SPTAN1: variants seen among roughly 807,000 people sequenced by gnomAD.
SPTAN1 encodes spectrin alpha, non-erythrocytic 1.
A neutral mutation model predicts 331.3 loss-of-function variants in SPTAN1; 61 were observed. The observed-to-expected ratio is 0.18, with a 90% CI of 0.15 to 0.23. The LOEUF (loss-of-function observed/expected upper bound fraction) is 0.23, where lower values mean the gene tolerates loss of function less well. Ranked by LOEUF, SPTAN1 falls within the 10% of genes least tolerant of loss-of-function variation. SPTAN1 has a pLI of 1.00. For synonymous variants in SPTAN1, 1,153 were observed against 1,173.9 expected, an observed-to-expected ratio of 0.98 and a Z score of 0.36; for missense variants, 2,043 against 3,147.9, an observed-to-expected ratio of 0.65 and a Z score of 8.40.
chr9:128,562,409 TATG>T (rs1849482894), intron 1 of SPTAN1, among the ~76,000 whole-genome samples: 1 of 152,062 alleles, frequency 6.6e-6, no homozygotes, highest in African/African-American at 2.4e-5. Context: ...CCGAGATCTG[TATG>T]ATATTAGATG....
chr9:128,630,532 C>G, intron 52 of SPTAN1, 157 bp downstream of exon 52: 1 of 670,324 alleles, frequency 1.5e-6, no homozygotes, highest in South Asian at 1.7e-5. Flanking sequence ...CACTATCTCT[C>G]TCTCTTTTCT....
At chr9:128,624,869 G>A in intron 46 of SPTAN1, 1 of 613,616 alleles carries the variant, frequency 1.6e-6, no homozygotes, top group Non-Finnish European at 2.9e-6. Context: ...CGTGTCCTGG[G>A]TAGTAGTAAT....
At position 128,618,978 on chromosome 9, in the gene SPTAN1, A is replaced by G; in HGVS notation, c.5708A>G (p.Tyr1903Cys). The G allele has an allele frequency of 6.2e-7, 1 of 1,613,986 alleles. No individual in the cohort carries two copies. Among genetic ancestry groups the G allele is most frequent in the East Asian group, 2.2e-5 (1 of 44,882 alleles). Residue 1903 changes from tyrosine (Y) to cysteine (C), a missense_variant, in exon 44 of 57, where the codon TAT becomes TGT. Tyr to Cys is a radical substitution (Grantham distance 194). Transcript: ENST00000372739. ...EKMTLVASED[Y>C]GDTLAAIQGL... is the part of the protein sequence containing the mutation. Reference sequence around the variant, plus strand: ...ATGACCCTGGTGGCCAGCGAAGATTATGGCGACACTCTTGCCGCCATCCAG... The same window carrying G: ...ATGACCCTGGTGGCCAGCGAAGATTGTGGCGACACTCTTGCCGCCATCCAG...
At chr9:128,591,660 G>A (rs367630152) in intron 22 of SPTAN1, 35 bp downstream of exon 22, 1,107 of 1,611,998 alleles carry the variant, frequency 6.9e-4, no homozygotes, top group Non-Finnish European at 9.0e-4. Context: ...AGGGCTAGGC[G>A]TCCCATAGGC....
In SPTAN1 at chr9:128,568,816, C is replaced by T. The variant is rs1288734800; in HGVS notation, c.282C>T (p.Ala94=). Residue 94 remains alanine (A), a synonymous_variant, in exon 3 of 57, where the codon GCC becomes GCT. Coordinates refer to ENST00000372739, the MANE Select transcript of SPTAN1 (RefSeq NM_001130438.3). Reference sequence around the variant, plus strand: ...AAGCATTTGAAGCTGAAGTGCAGGCCAACTCAGGAGCCATTGTTAAGCTGG... The same window carrying T: ...AAGCATTTGAAGCTGAAGTGCAGGCTAACTCAGGAGCCATTGTTAAGCTGG... ...KHQAFEAEVQ[A]NSGAIVKLDE... The T allele has an allele frequency of 1.9e-6, 3 of 1,614,128 alleles. 1 individual carries two copies. The Admixed American group carries it at 5.0e-5, about 27-fold the overall frequency.
intron 18 of SPTAN1, among the ~76,000 whole-genome samples, chr9:128,585,518 T>C (rs1330107508): frequency 6.6e-6 from 1 of 152,152 alleles, no homozygotes; most frequent in Admixed American, 6.5e-5. Context: ...ACTTGCGATA[T>C]CTGCTTCTTA....
rs1857108738 is a variant in SPTAN1 at position 128,615,905 on chromosome 9, G to T, written c.5357+65G>T. On this transcript the variant is annotated intron_variant, in intron 41 of 56. Coordinates refer to ENST00000372739, the MANE Select transcript of SPTAN1 (RefSeq NM_001130438.3). ...TAATAGTGGGCAGCAGGAACCACAG[G>T]CTGACTGTTGAGTGGTGAGGCTGGA... 13 of 1,558,612 alleles carry T rather than the reference G, an allele frequency of 8.3e-6. 2 individuals carry two copies. Among genetic ancestry groups the T allele is most frequent in the African/African-American group, 8.1e-5 (6 of 73,820 alleles).
chr9:128,572,457 G>A (rs1341354391), intron 3 of SPTAN1, among the ~76,000 whole-genome samples: 5 of 122,378 alleles, frequency 4.1e-5, no homozygotes, highest in African/African-American at 1.6e-4. Flanking sequence ...TCCAGTACTG[G>A]GACAGGCCTT....
chr9:128,587,384 C>T (rs1167714392), intron 19 of SPTAN1, among the ~76,000 whole-genome samples: 1 of 152,190 alleles, frequency 6.6e-6, no homozygotes, highest in Non-Finnish European at 1.5e-5. Context: ...TGTGCCTAGA[C>T]CAGGATGAGT....
At chr9:128,553,017 A>G (rs890616425) in intron 1 of SPTAN1, 1 of 152,178 alleles carries the variant, frequency 6.6e-6, no homozygotes, top group Non-Finnish European at 1.5e-5. Flanking sequence ...GCCCTGCCCC[A>G]TCCGGCTGCG....
chr9:128,626,178 GAC>G, intron 48 of SPTAN1, 200 bp downstream of exon 48: 1 of 879,814 alleles, frequency 1.1e-6, no homozygotes, highest in Non-Finnish European at 1.8e-6. Context: ...AAGCACGCAG[GAC>G]AGACTAGAGA....
chr9:128,630,248 TGA>T (rs1207368746), intron 51 of SPTAN1, 71 bp from the exon 52 acceptor site: 144 of 1,543,520 alleles, frequency 9.3e-5, no homozygotes, highest in Non-Finnish European at 1.2e-4. Context: ...TTGCTCTCTC[TGA>T]GAGAAGGTTC....
In SPTAN1 at chr9:128,629,482, G is replaced by A. The variant is rs180940724; in HGVS notation, c.6708-839G>A. ...ATTGCAGAGCTAACCCTGGCTCGCC[G>A]GGTTTTAAAAGGGTAGGTTGGGGTG... On this transcript the variant is annotated intron_variant, in intron 51 of 56. Coordinates refer to ENST00000372739, the MANE Select transcript of SPTAN1 (RefSeq NM_001130438.3). The surrounding 1 kb of genome is among the most constrained non-coding windows in gnomAD (Gnocchi z 4.9). 1.4e-4 allele frequency among the ~76,000 whole-genome samples: 22 copies of A among 152,272 alleles called. No homozygotes were observed. The East Asian group carries it at 1.9e-3, about 13-fold the overall frequency.
chr9:128,580,352 G>C (rs889264503), intron 10 of SPTAN1, among the ~76,000 whole-genome samples: 1 of 150,150 alleles, frequency 6.7e-6, no homozygotes, highest in Non-Finnish European at 1.5e-5. Context: ...TTTTATATGT[G>C]TATATATATA....
chr9:128,632,384 A>G (rs779387603), intron 53 of SPTAN1, 47 bp from the exon 54 acceptor site: 3 of 1,613,130 alleles, frequency 1.9e-6, no homozygotes, highest in Non-Finnish European at 2.5e-6. Context: ...AGACACAGTC[A>G]CCTGCTGTGT....
chr9:128,579,604 C>A, intron 9 of SPTAN1, 33 bp from the exon 10 acceptor site: 1 of 1,540,662 alleles, frequency 6.5e-7, no homozygotes, highest in Non-Finnish European at 9.0e-7. Flanking sequence ...AGATGCTGGG[C>A]ACAAATCATG....
chr9:128,610,446 A>C (rs1486837540), intron 37 of SPTAN1, among the ~76,000 whole-genome samples: 1 of 152,172 alleles, frequency 6.6e-6, no homozygotes, highest in Non-Finnish European at 1.5e-5. Context: ...GAACGTAACA[A>C]GGACATTTCA....
chr9:128,608,398 CATAA>C, intron 34 of SPTAN1, 122 bp downstream of exon 34: 1 of 1,218,588 alleles, frequency 8.2e-7, no homozygotes, highest in East Asian at 2.4e-5. Flanking sequence ...AAAATATGTA[CATAA>C]ATAATCTTTA....
chr9:128,619,060 C>A lies in SPTAN1; in HGVS notation c.5733+57C>A. The A allele has an allele frequency of 3.1e-6, 5 of 1,610,792 alleles. No individual in the cohort carries two copies. In the South Asian group the frequency reaches 5.5e-5, roughly 18 times the overall value. ...TCTCTCTTGGCAACTGCCTGCTGGT[C>A]ATCATTTCCCTGTTGGTTTGTTAGA... On this transcript the variant is annotated intron_variant, in intron 44 of 56. Transcript: ENST00000372739.
Sources: allele counts gnomAD v4.1 joint callset (sites outside exome capture counted in the v4.1 genomes callset), GRCh38; gene constraint gnomAD v4.1.1; non-coding constraint Gnocchi (gnomAD v3.1); transcripts MANE v1.5; gene names NCBI Gene and HGNC (gene_info 2026-07-23, HGNC 2026-07-21).